PI4KA: variants seen among roughly 807,000 people sequenced by gnomAD.
PI4KA encodes PI4-kinase alpha.
PI4KA carries 122 observed loss-of-function variants against 271.4 expected under a neutral mutation model. That is an observed-to-expected ratio of 0.45 (90% CI 0.39 to 0.52). The LOEUF (loss-of-function observed/expected upper bound fraction) is 0.52, where lower values mean the gene tolerates loss of function less well. PI4KA is among the 20% of genes least tolerant of loss of function. The pLI is 0.00. For missense variants in PI4KA, 1,969 were observed against 2,769.1 expected, an observed-to-expected ratio of 0.71 and a Z score of 6.48; for synonymous variants, 1,041 against 1,078.8, an observed-to-expected ratio of 0.96 and a Z score of 0.69.
intron 1 of PI4KA, among the ~76,000 whole-genome samples, chr22:20,840,770 C>T (rs1421578759): frequency 6.6e-6 from 1 of 152,132 alleles, no homozygotes; most frequent in Non-Finnish European, 1.5e-5. Context: ...AATCCCAGCA[C>T]TTTGGAAGGC....
rs748208972 is a variant in PI4KA, at chr22:20,804,351, C to T, written c.1410G>A (p.Thr470=). 12 of 1,614,038 alleles carry T rather than the reference C, an allele frequency of 7.4e-6. No individual in the cohort carries two copies. Among genetic ancestry groups the T allele is most frequent in the Middle Eastern group, 1.6e-4 (1 of 6,062 alleles). Residue 470 remains threonine (T), a synonymous_variant, in exon 12 of 55, where the codon ACG becomes ACA. Transcript: ENST00000255882. ...IKLSEKLQSK[T]SSKVIIAHLP... is the part of the protein sequence containing the mutation. ...AGTGAGCAATAATGACTTTGCTGGA[C>T]GTCTTGGACTGCAGCTTCTCAGATA...
In PI4KA at chr22:20,710,696, C is replaced by T; in HGVS notation, c.6083+3G>A. 6.2e-7 allele frequency: 1 copy of T among 1,614,070 alleles called. No individual in the cohort carries two copies. Among genetic ancestry groups the T allele is most frequent in the South Asian group, 1.1e-5 (1 of 91,082 alleles). ...CTCCACCCTGGCCCTCACCCAGGCT[C>T]ACCGCACAGCCAGGTAGCCTCGGAC... On this transcript the variant is annotated splice_donor_region_variant and intron_variant, in intron 52 of 54. Coordinates refer to ENST00000255882, the MANE Select transcript of PI4KA (RefSeq NM_058004.4).
chr22:20,754,122 T>C (rs1931013892), intron 23 of PI4KA, among the ~76,000 whole-genome samples: 2 of 152,214 alleles, frequency 1.3e-5, no homozygotes, highest in Admixed American at 6.5e-5. Flanking sequence ...GGTCTCACTT[T>C]GTTGCCCAGT....
intron 40 of PI4KA, 68 bp downstream of exon 40, chr22:20,727,706 G>T: frequency 8.4e-7 from 1 of 1,185,876 alleles, no homozygotes; most frequent in Non-Finnish European, 1.2e-6. Context: ...CTAGTTTCAG[G>T]CATTTCTGGG....
intron 46 of PI4KA, 27 bp downstream of exon 46, chr22:20,714,601 G>C: frequency 1.2e-6 from 2 of 1,613,784 alleles, no homozygotes; most frequent in African/African-American, 1.3e-5. Flanking sequence ...GCGTGGAAGT[G>C]GGGGATGGGT....
chr22:20,820,438 A>G, intron 5 of PI4KA, 101 bp downstream of exon 5: 1 of 784,192 alleles, frequency 1.3e-6, no homozygotes, highest in Non-Finnish European at 2.2e-6. Flanking sequence ...GTTTTCTCCC[A>G]TCATATATAT....
chr22:20,728,690 G>T (rs1358464938), intron 39 of PI4KA, among the ~76,000 whole-genome samples: 1 of 152,216 alleles, frequency 6.6e-6, no homozygotes, highest in Non-Finnish European at 1.5e-5. Context: ...TATTCCAGAG[G>T]ATCAAAGTAG....
chr22:20,742,780 C>T lies in PI4KA; in HGVS notation c.3457-16G>A. On this transcript the variant is annotated splice_polypyrimidine_tract_variant and intron_variant, in intron 30 of 54. Transcript: ENST00000255882. The stretch of plus-strand genomic sequence containing the variant: ...TTCCATACACCTGCAAAAACATTCT[C>T]ATCAGCAACTAAGCATATAATCCAG... 2 of 1,613,566 alleles carry T rather than the reference C, an allele frequency of 1.2e-6. No homozygotes were observed. Among genetic ancestry groups the T allele is most frequent in the East Asian group, 4.5e-5 (2 of 44,880 alleles).
chr22:20,764,425 T>C (rs1932310231), intron 22 of PI4KA, among the ~76,000 whole-genome samples: 3 of 152,186 alleles, frequency 2.0e-5, no homozygotes, highest in African/African-American at 4.8e-5. Context: ...CCCCACCCCA[T>C]GTCGCATTTG....
chr22:20,808,960 T>A (rs143806055), intron 9 of PI4KA, among the ~76,000 whole-genome samples: 45 of 151,840 alleles, frequency 3.0e-4, no homozygotes, highest in African/African-American at 1.1e-3. Context: ...AGAGGGTGAG[T>A]GAGCAGGTGG....
At chr22:20,756,081 G>A (rs917755440) in intron 23 of PI4KA, among the ~76,000 whole-genome samples, 3 of 152,160 alleles carry the variant, frequency 2.0e-5, no homozygotes, top group African/African-American at 2.4e-5. Flanking sequence ...AAGTGGGACC[G>A]CAGCAATTTG....
At chr22:20,821,167 T>C (rs1312007211) in intron 4 of PI4KA, among the ~76,000 whole-genome samples, 1 of 152,208 alleles carries the variant, frequency 6.6e-6, no homozygotes, top group African/African-American at 2.4e-5. Flanking sequence ...CTGCAGCCAC[T>C]TCACACTGCT....
At chr22:20,767,497 G>C (rs1275277116) in intron 19 of PI4KA, among the ~76,000 whole-genome samples, 1 of 151,958 alleles carries the variant, frequency 6.6e-6, no homozygotes, top group Non-Finnish European at 1.5e-5. Flanking sequence ...GTCTCACTCT[G>C]TTACCCAGGC....
intron 1 of PI4KA, among the ~76,000 whole-genome samples, chr22:20,842,556 T>TA (rs1362051927): frequency 1.3e-5 from 2 of 152,206 alleles, no homozygotes; most frequent in Non-Finnish European, 2.9e-5. Flanking sequence ...CTCACACCTG[T>TA]AATCCCAGCA....
chr22:20,846,118 G>A (rs573900761), intron 1 of PI4KA, among the ~76,000 whole-genome samples: 1 of 151,854 alleles, frequency 6.6e-6, no homozygotes, highest in East Asian at 1.9e-4. Context: ...AAAAAAATTA[G>A]GCAGGCTTGG....
chr22:20,808,943 G>GGTT (rs1935837595), intron 9 of PI4KA, among the ~76,000 whole-genome samples: 1 of 152,176 alleles, frequency 6.6e-6, no homozygotes, highest in Non-Finnish European at 1.5e-5. Flanking sequence ...TGCAGTGTGA[G>GGTT]GTTGACAGAG....
chr22:20,730,441 A>G (rs1452010851), intron 36 of PI4KA, among the ~76,000 whole-genome samples: 3 of 151,100 alleles, frequency 2.0e-5, no homozygotes, highest in Non-Finnish European at 4.4e-5. Context: ...TGCCCAGTTA[A>G]TTTTTGTATT....
chr22:20,807,413 G>C lies in PI4KA; in HGVS notation c.1117C>G (p.Leu373Val). The C allele has an allele frequency of 6.2e-7, 1 of 1,613,638 alleles. No individual in the cohort carries two copies. The highest frequency in any genetic ancestry group is 8.5e-7 in the Non-Finnish European group (1 of 1,179,504). Reference sequence around the variant, plus strand: ...AGCATCTTGAACATGGTCAGGTAGAGAGGGTCACTGAAGGAAGTGTAGTAG... The same window carrying C: ...AGCATCTTGAACATGGTCAGGTAGACAGGGTCACTGAAGGAAGTGTAGTAG... ...DLYYTSFSDP[L>V]YLTMFKMLRD... Residue 373 changes from leucine (L) to valine (V), a missense_variant, in exon 10 of 55, where the codon CTC becomes GTC. Transcript: ENST00000255882.
intron 19 of PI4KA, among the ~76,000 whole-genome samples, chr22:20,783,675 G>C (rs1040066490): frequency 6.6e-6 from 1 of 152,180 alleles, no homozygotes; most frequent in Admixed American, 6.5e-5. Flanking sequence ...TTACTCATTT[G>C]ACAGATGTGA....
Sources: gnomAD v4.1 joint callset for allele counts (sites outside exome capture counted in the v4.1 genomes callset) on GRCh38, gnomAD v4.1.1 for gene constraint, MANE v1.5 for transcripts, NCBI Gene and HGNC (gene_info 2026-07-23, HGNC 2026-07-21) for gene names.